The following KDM3A variants were observed in gnomAD, a reference collection of about 807,000 sequenced individuals.
KDM3A encodes lysine demethylase 3A.
A neutral mutation model predicts 158.0 loss-of-function variants in KDM3A; 60 were observed. The observed-to-expected ratio is 0.38, with a 90% CI of 0.31 to 0.47. KDM3A has a LOEUF of 0.47. KDM3A is among the 20% of genes least tolerant of loss of function. The pLI is 0.99. For missense variants in KDM3A, 1,319 were observed against 1,574.3 expected (o/e 0.84, Z 2.74); for synonymous variants, 608 against 549.3 (o/e 1.11, Z -1.49).
At chr2:86,486,398 C>T (rs1674182618) in intron 21 of KDM3A, among the ~76,000 whole-genome samples, 1 of 152,178 alleles carries the variant, frequency 6.6e-6, no homozygotes, top group South Asian at 2.1e-4. Context: ...TTGGTTTCTC[C>T]ATTTACCAGA....
At chr2:86,477,780 C>G (rs1451360382) in intron 12 of KDM3A, 97 bp from the exon 13 acceptor site, 4 of 1,155,400 alleles carry the variant, frequency 3.5e-6, no homozygotes, top group African/African-American at 1.5e-5. Flanking sequence ...AATTTGAAGT[C>G]TAGTCACAGG....
Position 86,454,122 on chromosome 2 carries a change from TC to T in KDM3A, c.454-957del, listed in dbSNP as rs985976151. On this transcript the variant is annotated intron_variant, in intron 4 of 25. Coordinates refer to ENST00000312912, the MANE Select transcript of KDM3A (RefSeq NM_018433.6). The stretch of plus-strand genomic sequence containing the variant: ...GCTATTCATTCAGATTTTCTGTTTG[TC>T]CCCCCACCTCCCTTTTTGTAAAAAA... 7.2e-5 allele frequency among the ~76,000 whole-genome samples: 11 copies of T among 152,246 alleles called. 1 individual carries two copies. The East Asian group carries it at 2.1e-3, about 29-fold the overall frequency.
intron 4 of KDM3A, among the ~76,000 whole-genome samples, chr2:86,453,936 G>T (rs909900179): frequency 6.6e-6 from 1 of 152,156 alleles, no homozygotes. Context: ...TCTTTGCCCT[G>T]CTAGAATTCG....
chr2:86,453,991 C>G (rs1374897174), intron 4 of KDM3A, among the ~76,000 whole-genome samples: 1 of 152,170 alleles, frequency 6.6e-6, no homozygotes. Flanking sequence ...TTACATTTAT[C>G]ATAACTGGGT....
intron 25 of KDM3A, 140 bp downstream of exon 25, chr2:86,491,415 A>C (rs1383988663): frequency 2.6e-6 from 2 of 760,372 alleles, no homozygotes; most frequent in East Asian, 5.0e-5. Flanking sequence ...CTTTATATCT[A>C]GTACTACTAT....
chr2:86,452,866 T>C (rs982298219), intron 4 of KDM3A, among the ~76,000 whole-genome samples: 1 of 152,190 alleles, frequency 6.6e-6, no homozygotes, highest in Non-Finnish European at 1.5e-5. Flanking sequence ...GTTTAAGTAA[T>C]GGAACAGAGG....
intron 11 of KDM3A, 66 bp from the exon 12 acceptor site, chr2:86,474,710 T>G: frequency 1.5e-6 from 1 of 671,690 alleles, no homozygotes; most frequent in Non-Finnish European, 2.7e-6. Context: ...GTTGTGTGTG[T>G]GTGTGTGTGT....
At position 86,477,811 on chromosome 2, in the gene KDM3A, A is replaced by C. The variant is rs141197543; in HGVS notation, c.1940-66A>C. The stretch of plus-strand genomic sequence containing the variant: ...ACAGGGAGGAATGACAATAACCCCT[A>C]CCTTTCGTTTTTGGTTTCAGAAGCC... On this transcript the variant is annotated intron_variant, in intron 12 of 25. Coordinates refer to ENST00000312912, the MANE Select transcript of KDM3A (RefSeq NM_018433.6). 8.7e-4 allele frequency: 1,268 copies of C among 1,458,812 alleles called. 13 individuals are homozygous for C. In the African/African-American group the frequency reaches 0.017, roughly 19 times the overall value. 90.4% of individuals were successfully genotyped at this position (1,458,812 alleles called of 1,614,324 possible).
chr2:86,470,543 T>G (rs1285513205), intron 11 of KDM3A, 135 bp downstream of exon 11: 2 of 678,578 alleles, frequency 2.9e-6, no homozygotes, highest in Non-Finnish European at 2.5e-6. Flanking sequence ...TTATAATCTC[T>G]AGGTTGGAGA....
At chr2:86,441,967 G>A in intron 1 of KDM3A, 51 bp from the exon 2 acceptor site, 1 of 1,492,130 alleles carries the variant, frequency 6.7e-7, no homozygotes, top group Non-Finnish European at 9.3e-7. Context: ...TCTCCGCCCG[G>A]CCCCCTCCCA....
intron 6 of KDM3A, 94 bp downstream of exon 6, chr2:86,456,660 T>G (rs1672713288): frequency 2.3e-6 from 3 of 1,319,644 alleles, no homozygotes; most frequent in South Asian, 2.5e-5. Flanking sequence ...ATACCTTTAT[T>G]ATTTTATAGG....
intron 19 of KDM3A, chr2:86,484,716 TG>T (rs1674100575): frequency 2.1e-6 from 1 of 465,436 alleles, no homozygotes. Context: ...TGCTGCCTCC[TG>T]GGTACAAATG....
At position 86,470,414 on chromosome 2, in the gene KDM3A, G is replaced by T. The variant is rs1218307372; in HGVS notation, c.1724+6G>T. The stretch of plus-strand genomic sequence containing the variant: ...CGCTTCTTTCACTTCAGGAGGTGAG[G>T]CATTTTGGGAAAAGTTCAGATAATC... On this transcript the variant is annotated splice_donor_region_variant and intron_variant, in intron 11 of 25. Coordinates refer to ENST00000312912, the MANE Select transcript of KDM3A (RefSeq NM_018433.6). 3.1e-6 allele frequency: 5 copies of T among 1,612,938 alleles called. No homozygotes were observed. Among genetic ancestry groups the T allele is most frequent in the Non-Finnish European group, 4.2e-6 (5 of 1,179,008 alleles).
rs750404454 is a variant in KDM3A, at chr2:86,466,599, G to C, written c.1235G>C (p.Gly412Ala). The C allele has an allele frequency of 6.2e-7, 1 of 1,613,836 alleles. No individual in the cohort carries two copies. The highest frequency in any genetic ancestry group is 1.3e-5 in the African/African-American group (1 of 74,910). Residue 412 changes from glycine (G) to alanine (A), a missense_variant, in exon 10 of 26, where the codon GGC (glycine) becomes GCC (alanine). Physicochemically the swap from Gly to Ala is moderately conservative, Grantham distance 60. This residue lies in a region of KDM3A where 652 missense variants were observed against 627.2 expected (regional missense o/e 1.04). Coordinates refer to ENST00000312912, the MANE Select transcript of KDM3A (RefSeq NM_018433.6). ...RLESVPQALT[G>A]LPKECLPTKA... ...GAGTCTGTTCCACAAGCATTGACTG[G>C]CCTTCCTAAGGAGTGCTTACCTACA...
At chr2:86,477,412 C>T (rs888392923) in intron 12 of KDM3A, among the ~76,000 whole-genome samples, 2 of 152,188 alleles carry the variant, frequency 1.3e-5, no homozygotes, top group Non-Finnish European at 2.9e-5. Context: ...TAACCTGATA[C>T]TCAGTGCAGA....
intron 2 of KDM3A, among the ~76,000 whole-genome samples, chr2:86,444,258 T>C (rs1040009166): frequency 1.2e-4 from 19 of 152,200 alleles, no homozygotes; most frequent in Non-Finnish European, 5.9e-5. Context: ...TTGGGCCCAG[T>C]GTCTTCTCCA....
At chr2:86,465,115 A>G (rs1237909146) in intron 9 of KDM3A, among the ~76,000 whole-genome samples, 1 of 152,222 alleles carries the variant, frequency 6.6e-6, no homozygotes, top group Admixed American at 6.5e-5. Flanking sequence ...TAGAGGCAGG[A>G]ACAAACAGGT....
rs573363778 is a variant in KDM3A at position 86,480,277 on chromosome 2, C to T, written c.2427C>T (p.Ser809=). ...AAGCAGCCTCCAAGCCAGCCGGCAGCATGAAGCCTGCCTGTCCAGCCAGCA... is the reference window on the plus strand; with the variant it reads ...AAGCAGCCTCCAAGCCAGCCGGCAGTATGAAGCCTGCCTGTCCAGCCAGCA... ...GGEAASKPAG[S]MKPACPASTS... is the part of the protein sequence containing the mutation. Residue 809 remains serine (S), a synonymous_variant, in exon 16 of 26, where the codon AGC becomes AGT. Coordinates refer to ENST00000312912, the MANE Select transcript of KDM3A (RefSeq NM_018433.6). 3 of 1,614,042 alleles carry T rather than the reference C, an allele frequency of 1.9e-6. No individual in the cohort carries two copies. The highest frequency in any genetic ancestry group is 1.7e-5 in the Admixed American group (1 of 60,026).
chr2:86,489,830 A>G, intron 23 of KDM3A, 171 bp downstream of exon 23: 1 of 600,434 alleles, frequency 1.7e-6, no homozygotes, highest in South Asian at 3.2e-5. Flanking sequence ...CAAGGATTCT[A>G]AATGATTAGG....
Sources: gnomAD v4.1 joint callset for allele counts (sites outside exome capture counted in the v4.1 genomes callset) on GRCh38, gnomAD v4.1.1 for gene constraint, gnomAD v4.1.1 regional missense constraint, MANE v1.5 for transcripts, NCBI Gene and HGNC (gene_info 2026-07-23, HGNC 2026-07-21) for gene names.